ADAM12: variants seen among roughly 807,000 people sequenced by gnomAD.
The protein encoded by ADAM12 is ADAM metallopeptidase domain 12.
A neutral mutation model predicts 106.4 loss-of-function variants in ADAM12; 70 were observed. That is an observed-to-expected ratio of 0.66 (90% confidence interval 0.54 to 0.80). The LOEUF is 0.80. Ranked by LOEUF, ADAM12 falls within the 30% of genes least tolerant of loss-of-function variation. The pLI is 0.00. For synonymous variants in ADAM12, 420 were observed against 433.5 expected (o/e 0.97, Z 0.39); for missense variants, 1,010 against 1,171.9 (o/e 0.86, Z 2.02).
chr10:126,025,531 C>T (rs1026263729), intron 21 of ADAM12, among the ~76,000 whole-genome samples: 4 of 152,056 alleles, frequency 2.6e-5, no homozygotes, highest in East Asian at 3.9e-4. Context: ...TGAGAAATAC[C>T]GGATTATGTA....
chr10:126,098,548 C>T (rs771734133), intron 9 of ADAM12, 48 bp from the exon 10 acceptor site: 4 of 1,490,534 alleles, frequency 2.7e-6, no homozygotes, highest in African/African-American at 2.8e-5. Flanking sequence ...AGAACGGGGG[C>T]ATTCTCTAAT....
Position 126,359,390 on chromosome 10 carries a change from C to A in ADAM12, c.88+28668G>T, listed in dbSNP as rs572529711. 7.2e-4 allele frequency among the ~76,000 whole-genome samples: 110 copies of A among 152,284 alleles called. 1 individual carries two copies. The highest frequency in any genetic ancestry group is 2.5e-3 in the African/African-American group (105 of 41,552). ...TCCGAGACAAGGCAAGTCCCTTCTG[C>A]CTATGAGCCTGTAAAATCAAAAGCA... On this transcript the variant is annotated intron_variant, in intron 1 of 22. Transcript: ENST00000448723.
chr10:126,078,397 T>C (rs563935049), intron 11 of ADAM12, among the ~76,000 whole-genome samples: 37 of 152,196 alleles, frequency 2.4e-4, no homozygotes, highest in African/African-American at 8.7e-4. Context: ...TCTCATTTCC[T>C]CTCCAGCCGT....
chr10:126,033,516 C>T (rs1400002224), intron 21 of ADAM12, among the ~76,000 whole-genome samples: 1 of 152,124 alleles, frequency 6.6e-6, no homozygotes, highest in Non-Finnish European at 1.5e-5. Flanking sequence ...TTGGCCTGGG[C>T]TCTGGATAGG....
At chr10:126,116,360 A>G (rs1955982801) in intron 6 of ADAM12, among the ~76,000 whole-genome samples, 1 of 152,230 alleles carries the variant, frequency 6.6e-6, no homozygotes, top group African/African-American at 2.4e-5. Flanking sequence ...CAGCTTAATC[A>G]CATCTTCTCC....
intron 11 of ADAM12, among the ~76,000 whole-genome samples, chr10:126,082,580 A>C (rs1222513320): frequency 6.6e-6 from 1 of 152,028 alleles, no homozygotes; most frequent in Non-Finnish European, 1.5e-5. Flanking sequence ...CATGTTGGCC[A>C]GGCTGGTCTC....
At chr10:126,334,783 T>C (rs1348379202) in intron 1 of ADAM12, among the ~76,000 whole-genome samples, 1 of 152,152 alleles carries the variant, frequency 6.6e-6, no homozygotes, top group Non-Finnish European at 1.5e-5. Flanking sequence ...CACACCACCC[T>C]GATGCCTACA....
Position 126,043,258 on chromosome 10 carries a change from C to T in ADAM12, c.1996-110G>A, listed in dbSNP as rs898110923. 3.0e-6 allele frequency: 3 copies of T among 1,007,276 alleles called. No individual in the cohort carries two copies. The highest frequency in any genetic ancestry group is 4.3e-5 in the Admixed American group (2 of 46,276). 62.4% of individuals were successfully genotyped at this position (1,007,276 alleles called of 1,614,324 possible). A position where few individuals can be genotyped will look rare whatever the true frequency, so the allele number is the denominator to read the frequency against. On this transcript the variant is annotated intron_variant, in intron 17 of 22. Coordinates refer to ENST00000448723, the MANE Select transcript of ADAM12 (RefSeq NM_001288973.2). This position sits in a 1 kb window ranked among gnomAD's most constrained non-coding sequence, Gnocchi z 4.1. ...AGCCCCCCCCCAACACTGACACAGC[C>T]AGACTCAGCACACGCCATGGTGCGA...
At chr10:126,246,820 A>T (rs1257396026) in intron 3 of ADAM12, among the ~76,000 whole-genome samples, 1 of 149,110 alleles carries the variant, frequency 6.7e-6, no homozygotes, top group Non-Finnish European at 1.5e-5. Context: ...GAAAACTAGC[A>T]CAAGACAAGG....
At chr10:126,191,668 T>C (rs1340749810) in intron 3 of ADAM12, among the ~76,000 whole-genome samples, 1 of 152,162 alleles carries the variant, frequency 6.6e-6, no homozygotes, top group African/African-American at 2.4e-5. Context: ...TTGACAAAGA[T>C]AATTCAACAA....
intron 11 of ADAM12, among the ~76,000 whole-genome samples, chr10:126,086,225 A>C (rs1310905100): frequency 6.6e-6 from 1 of 152,108 alleles, no homozygotes; most frequent in African/African-American, 2.4e-5. Context: ...GTACTGAGGC[A>C]GCTTTAGTTC....
chr10:126,348,402 G>A (rs910955793), intron 1 of ADAM12, among the ~76,000 whole-genome samples: 1 of 152,142 alleles, frequency 6.6e-6, no homozygotes, highest in Non-Finnish European at 1.5e-5. Context: ...TGGGAGGATG[G>A]GGGAGGGAAA....
At chr10:126,100,974 G>T in intron 9 of ADAM12, 98 bp downstream of exon 9, 1 of 1,347,648 alleles carries the variant, frequency 7.4e-7, no homozygotes, top group Non-Finnish European at 1.0e-6. Context: ...AGTGTGCTCT[G>T]CAGAAAGGTG....
At chr10:126,052,075 G>A (rs557342523) in intron 14 of ADAM12, among the ~76,000 whole-genome samples, 20 of 152,306 alleles carry the variant, frequency 1.3e-4, no homozygotes, top group African/African-American at 3.8e-4. Flanking sequence ...AGGTAACGAA[G>A]GCAGGATCAT....
chr10:126,370,283 G>A (rs1382721682), intron 1 of ADAM12, among the ~76,000 whole-genome samples: 1 of 152,146 alleles, frequency 6.6e-6, no homozygotes, highest in African/African-American at 2.4e-5. Flanking sequence ...ACTAAGTTGT[G>A]GCAATTTGTC....
At chr10:126,089,305 A>G (rs888761235) in intron 11 of ADAM12, among the ~76,000 whole-genome samples, 11 of 152,332 alleles carry the variant, frequency 7.2e-5, no homozygotes, top group African/African-American at 2.6e-4. Flanking sequence ...AATATTTTAC[A>G]TCAAGTGTAC....
intron 21 of ADAM12, among the ~76,000 whole-genome samples, chr10:126,020,687 T>C (rs1953747763): frequency 6.6e-6 from 1 of 152,072 alleles, no homozygotes; most frequent in Non-Finnish European, 1.5e-5. Flanking sequence ...TTAAAAATGT[T>C]TAGTAGAAAT....
At chr10:126,283,886 C>T (rs1424256300) in intron 2 of ADAM12, among the ~76,000 whole-genome samples, 2 of 152,186 alleles carry the variant, frequency 1.3e-5, no homozygotes, top group African/African-American at 4.8e-5. Context: ...GATCAAAAAG[C>T]AGACTGTGTT....
chr10:126,125,249 C>CTTTT (rs35917087), intron 5 of ADAM12, among the ~76,000 whole-genome samples: 1 of 134,250 alleles, frequency 7.4e-6, no homozygotes. Flanking sequence ...CTTTTCTTTT[C>CTTTT]TTTTTTTTTT....
Sources: allele counts gnomAD v4.1 joint callset (sites outside exome capture counted in the v4.1 genomes callset), GRCh38; gene constraint gnomAD v4.1.1; non-coding constraint Gnocchi (gnomAD v3.1); transcripts MANE v1.5; gene names NCBI Gene and HGNC (gene_info 2026-07-23, HGNC 2026-07-21).